The following FLT1 variants were observed in gnomAD, a reference collection of about 807,000 sequenced individuals.
FLT1 encodes the protein fms related receptor tyrosine kinase 1.
Under a neutral mutation model 156.3 loss-of-function variants are expected in FLT1, and 49 were observed. That is an observed-to-expected ratio of 0.31 (90% confidence interval 0.25 to 0.40). The LOEUF (loss-of-function observed/expected upper bound fraction) is 0.40. Among genes scored for constraint, FLT1 ranks in the 10% least tolerant of loss-of-function variants. The pLI is 1.00. For synonymous variants in FLT1, 594 were observed against 583.8 expected (o/e 1.02, Z -0.25); for missense variants, 1,322 against 1,637.2 (o/e 0.81, Z 3.32).
At chr13:28,386,015 GA>G in intron 13 of FLT1, 1 of 1,051,970 alleles carries the variant, frequency 9.5e-7, no homozygotes, top group African/African-American at 1.7e-5. Flanking sequence ...CCTCTTGTTG[GA>G]AATCCTGGAA....
chr13:28,335,607 G>A (rs1265095179), intron 17 of FLT1, among the ~76,000 whole-genome samples: 1 of 152,180 alleles, frequency 6.6e-6, no homozygotes, highest in Non-Finnish European at 1.5e-5. Context: ...TAGGATGTAT[G>A]AAAATTTCAC....
Position 28,386,417 on chromosome 13 carries a change from C to T in FLT1, c.1970-1386G>A, listed in dbSNP as rs890065021. 6 of 1,037,262 alleles carry T rather than the reference C, an allele frequency of 5.8e-6. 2 individuals carry two copies. The highest frequency in any genetic ancestry group is 8.8e-4 in the Middle Eastern group (2 of 2,270). The allele number at this position is 1,037,262 out of a possible 1,614,324, so 64.3% of individuals were successfully genotyped here. On this transcript the variant is annotated intron_variant, in intron 13 of 29. Coordinates refer to ENST00000282397, the MANE Select transcript of FLT1 (RefSeq NM_002019.4). ...ATTTCTCAATAAATTTTGATTTCTA[C>T]AGTTTATCATTAGTCTTCTCATTTT...
intron 1 of FLT1, among the ~76,000 whole-genome samples, chr13:28,480,556 A>C (rs1880775117): frequency 6.6e-6 from 1 of 152,198 alleles, no homozygotes; most frequent in Non-Finnish European, 1.5e-5. Flanking sequence ...CTGAAGAATC[A>C]ATGTGTATTT....
At chr13:28,447,952 T>A (rs1208600916) in intron 3 of FLT1, among the ~76,000 whole-genome samples, 6 of 151,858 alleles carry the variant, frequency 4.0e-5, no homozygotes, top group Non-Finnish European at 2.9e-5. Context: ...GGGAAAAGGA[T>A]CTGAACTGAC....
chr13:28,406,348 T>C (rs1444797447), intron 10 of FLT1, among the ~76,000 whole-genome samples: 1 of 152,192 alleles, frequency 6.6e-6, no homozygotes, highest in Non-Finnish European at 1.5e-5. Flanking sequence ...ATTAAGTGCA[T>C]ATGGAAATCA....
chr13:28,325,171 A>C (rs1871624049), intron 20 of FLT1, among the ~76,000 whole-genome samples: 1 of 152,208 alleles, frequency 6.6e-6, no homozygotes, highest in Non-Finnish European at 1.5e-5. Flanking sequence ...CAAACTCTTC[A>C]AAACAAAGGA....
intron 3 of FLT1, among the ~76,000 whole-genome samples, chr13:28,450,098 A>G (rs1308206265): frequency 1.3e-5 from 2 of 152,174 alleles, no homozygotes; most frequent in African/African-American, 4.8e-5. Context: ...AGCAAGCAAG[A>G]AAGGTGAAAT....
At chr13:28,453,283 C>T (rs530526486) in intron 3 of FLT1, among the ~76,000 whole-genome samples, 79 of 151,638 alleles carry the variant, frequency 5.2e-4, no homozygotes, top group African/African-American at 1.7e-3. Context: ...GCCACCACAC[C>T]GGGCTAATTT....
chr13:28,344,792 CTTTTTT>C (rs869199622), intron 16 of FLT1, among the ~76,000 whole-genome samples: 3 of 41,436 alleles, frequency 7.2e-5, no homozygotes, highest in Admixed American at 2.8e-4. Flanking sequence ...GGGGCCTTTA[CTTTTTT>C]TTTTTTTTTT....
chr13:28,362,235 T>C (rs1873138300), intron 14 of FLT1, among the ~76,000 whole-genome samples: 1 of 152,124 alleles, frequency 6.6e-6, no homozygotes, highest in Non-Finnish European at 1.5e-5. Flanking sequence ...CTTGGCTAAG[T>C]CACTTAATCT....
chr13:28,418,079 A>C (rs1314092934), intron 10 of FLT1, among the ~76,000 whole-genome samples: 1 of 152,198 alleles, frequency 6.6e-6, no homozygotes, highest in East Asian at 1.9e-4. Flanking sequence ...CAAGAGATCA[A>C]ATACCCCTGG....
Position 28,300,587 on chromosome 13 carries a change from C to T in FLT1, c.*2580G>A. The stretch of plus-strand genomic sequence containing the variant: ...GTTACACCACTGTCGGCCAAAGATG[C>T]ACTCCTCCTTTAATCAATTTAAATG... On this transcript the variant is annotated 3_prime_UTR_variant, in exon 30 of 30. Coordinates refer to ENST00000282397, the MANE Select transcript of FLT1 (RefSeq NM_002019.4). 4.3e-6 allele frequency: 1 copy of T among 232,744 alleles called. No individual in the cohort carries two copies. The highest frequency in any genetic ancestry group is 8.5e-6 in the Non-Finnish European group (1 of 117,960). 14.4% of individuals were successfully genotyped at this position (232,744 alleles called of 1,614,324 possible).
At chr13:28,383,137 G>A (rs1305573305) in intron 14 of FLT1, among the ~76,000 whole-genome samples, 1 of 151,940 alleles carries the variant, frequency 6.6e-6, no homozygotes, top group African/African-American at 2.4e-5. Flanking sequence ...GCAGGCAATA[G>A]ACAGTGTTTA....
At chr13:28,305,221 G>T (rs1436633886) in intron 29 of FLT1, among the ~76,000 whole-genome samples, 3 of 152,076 alleles carry the variant, frequency 2.0e-5, no homozygotes, top group African/African-American at 7.2e-5. Flanking sequence ...GGCGTAAAGT[G>T]GTATCTTATG....
In FLT1 at chr13:28,384,876, G is replaced by A; in HGVS notation, c.2116+9C>T. ...GAAATAATAAATGGAAGAAAAAAAA[G>A]TCTCTTACCAGGCTCTTGTTGTATT... On this transcript the variant is annotated intron_variant, in intron 14 of 29. Transcript: ENST00000282397. 6.2e-7 allele frequency: 1 copy of A among 1,613,540 alleles called. No individual in the cohort carries two copies. Among genetic ancestry groups the A allele is most frequent in the African/African-American group, 1.3e-5 (1 of 75,030 alleles).
rs1158698269 is a variant in FLT1 at position 28,371,506 on chromosome 13, C to A, written c.2116+13379G>T. Reference sequence around the variant, plus strand: ...TATGAATCCCTTAGGAGCTGGCTGGCCTACCAGATAGATGGTCCCAGTATC... The same window carrying A: ...TATGAATCCCTTAGGAGCTGGCTGGACTACCAGATAGATGGTCCCAGTATC... On this transcript the variant is annotated intron_variant, in intron 14 of 29. Transcript: ENST00000282397. Among the ~76,000 whole-genome samples the A allele has an allele frequency of 3.3e-5, 5 of 152,236 alleles. No homozygotes were observed. In the South Asian group the frequency reaches 1.0e-3, roughly 32 times the overall value.
intron 3 of FLT1, among the ~76,000 whole-genome samples, chr13:28,446,940 T>G (rs1439477388): frequency 6.6e-6 from 1 of 152,032 alleles, no homozygotes; most frequent in South Asian, 2.1e-4. Context: ...GCTGGCACAA[T>G]GGATTAGTGG....
chr13:28,322,567 T>C lies in FLT1; in HGVS notation c.2954-208A>G. On this transcript the variant is annotated intron_variant, in intron 21 of 29. Coordinates refer to ENST00000282397, the MANE Select transcript of FLT1 (RefSeq NM_002019.4). This position sits in a 1 kb window ranked among gnomAD's most constrained non-coding sequence, Gnocchi z 4.3. ...TCCAAGCATGGGGGCAGGGGGATGA[T>C]CCATTAAGATGAAAATCCCTGAGGG... 1 of 721,736 alleles carries C rather than the reference T, an allele frequency of 1.4e-6. No homozygotes were observed. Among genetic ancestry groups the C allele is most frequent in the Non-Finnish European group, 2.5e-6 (1 of 404,306 alleles). 44.7% of individuals were successfully genotyped at this position (721,736 alleles called of 1,614,324 possible). A position where few individuals can be genotyped will look rare whatever the true frequency, so the allele number is the denominator to read the frequency against.
chr13:28,303,312 C>G lies in FLT1; in HGVS notation c.3872G>C (p.Ser1291Thr). The change falls in exon 30 of 30, where the codon AGT becomes ACT. Residue 1291 changes from serine (S) to threonine (T), a missense_variant. Around this residue, in one of 3 missense-constraint regions of FLT1, gnomAD observed 329 missense variants for 366.2 expected, o/e 0.90. Coordinates refer to ENST00000282397, the MANE Select transcript of FLT1 (RefSeq NM_002019.4). ...GTGCCCACAGCTGGAATGGCAGAAA[C>G]TGGGCCTGCTGACATCAGACAGCCC... is the stretch of plus-strand genomic sequence containing the variant. ...ESGLSDVSRP[S>T]FCHSSCGHVS... 6.2e-7 allele frequency: 1 copy of G among 1,614,174 alleles called. No individual in the cohort carries two copies. The highest frequency in any genetic ancestry group is 1.3e-5 in the African/African-American group (1 of 75,034).
Sources: allele counts gnomAD v4.1 joint callset (sites outside exome capture counted in the v4.1 genomes callset), GRCh38; gene constraint gnomAD v4.1.1; regional missense constraint gnomAD v4.1.1; non-coding constraint Gnocchi (gnomAD v3.1); transcripts MANE v1.5; gene names NCBI Gene and HGNC (gene_info 2026-07-23, HGNC 2026-07-21).